The following PIK3CB variants were observed in gnomAD, a reference collection of about 807,000 sequenced individuals.
The protein encoded by PIK3CB is phosphatidylinositol-4,5-bisphosphate 3-kinase catalytic subunit beta.
A neutral mutation model predicts 136.8 loss-of-function variants in PIK3CB; 39 were observed. The ratio of observed to expected loss-of-function variants is 0.29; its 90% CI spans 0.22 to 0.37. The LOEUF is 0.37. Among genes scored for constraint, PIK3CB ranks in the 10% least tolerant of loss-of-function variants. PIK3CB has a pLI of 1.00. For missense variants in PIK3CB, 868 were observed against 1,275.4 expected, an observed-to-expected ratio of 0.68 and a Z score of 4.87; for synonymous variants, 428 against 436.6, an observed-to-expected ratio of 0.98 and a Z score of 0.25.
At chr3:138,767,001 T>C (rs79562535) in intron 2 of PIK3CB, among the ~76,000 whole-genome samples, 2 of 20,410 alleles carry the variant, frequency 9.8e-5, no homozygotes, top group African/African-American at 8.4e-4. Context: ...AGTATTCCCC[T>C]TTTTTTTTTG....
rs35232938 is a variant in PIK3CB, at chr3:138,801,861, CAAAAAA to C, written c.-121-5300_-121-5295del. Among the ~76,000 whole-genome samples the C allele has an allele frequency of 1.9e-3, 110 of 57,394 alleles. 1 individual carries two copies. The highest frequency in any genetic ancestry group is 2.8e-3 in the Non-Finnish European group (93 of 33,352). 37.7% of individuals were successfully genotyped at this position (57,394 alleles called of 152,430 possible). On this transcript the variant is annotated intron_variant, in intron 1 of 23. Transcript: ENST00000674063. The stretch of plus-strand genomic sequence containing the variant: ...CTGGTGACAGAGCAAGACTCCATCT[CAAAAAA>C]AAAAAAAAAAAAAAAGATAAAGAAA...
Position 138,705,169 on chromosome 3 carries a change from A to C in PIK3CB, c.1531-676T>G, listed in dbSNP as rs1474382198. Reference sequence around the variant, plus strand: ...GATTAGAAAGGCAAAAAAAAAAAAAAAAAACAAAAAACAAAACAAACAAAA... The same window carrying C: ...GATTAGAAAGGCAAAAAAAAAAAAACAAAACAAAAAACAAAACAAACAAAA... On this transcript the variant is annotated intron_variant, in intron 11 of 23. Transcript: ENST00000674063. Among the ~76,000 whole-genome samples the C allele has an allele frequency of 1.4e-4, 14 of 99,252 alleles. 1 individual carries two copies. The East Asian group carries it at 2.5e-3, about 18-fold the overall frequency. 65.1% of individuals were successfully genotyped at this position (99,252 alleles called of 152,430 possible).
At chr3:138,698,629 C>T (rs546980731) in intron 13 of PIK3CB, among the ~76,000 whole-genome samples, 29 of 152,070 alleles carry the variant, frequency 1.9e-4, no homozygotes, top group South Asian at 6.2e-4. Context: ...AAGGTACCCA[C>T]GTCTTAGAAA....
In PIK3CB at chr3:138,657,774, C is replaced by A. The variant is rs1310997937; in HGVS notation, c.2858G>T (p.Arg953Met). 6.2e-7 allele frequency: 1 copy of A among 1,612,764 alleles called. No homozygotes were observed. The highest frequency in any genetic ancestry group is 8.5e-7 in the Non-Finnish European group (1 of 1,179,248). Reference sequence around the variant, plus strand: ...GGTAAGAATAAAAGGCACTCGCTCCCTTTTAATGCCAAACTTAGATTTGAA... The same window carrying A: ...GGTAAGAATAAAAGGCACTCGCTCCATTTTAATGCCAAACTTAGATTTGAA... ...GNFKSKFGIK[R>M]ERVPFILTYD... Residue 953 changes from arginine (R) to methionine (M), a missense_variant, in exon 22 of 24, where the codon AGG (arginine) becomes ATG (methionine). This residue lies in a region of PIK3CB where 88 missense variants were observed against 147.8 expected (regional missense o/e 0.60). Transcript: ENST00000674063.
chr3:138,772,270 A>G (rs957749356), intron 2 of PIK3CB, among the ~76,000 whole-genome samples: 1 of 152,148 alleles, frequency 6.6e-6, no homozygotes, highest in African/African-American at 2.4e-5. Context: ...GTGGAAGGAA[A>G]GACACTCATA....
intron 8 of PIK3CB, among the ~76,000 whole-genome samples, chr3:138,721,586 C>T (rs1311786121): frequency 6.6e-6 from 1 of 152,150 alleles, no homozygotes; most frequent in African/African-American, 2.4e-5. Flanking sequence ...CTAATCTTTC[C>T]CAAATCCAGT....
At chr3:138,700,466 G>A (rs1031065256) in intron 12 of PIK3CB, among the ~76,000 whole-genome samples, 7 of 152,088 alleles carry the variant, frequency 4.6e-5, no homozygotes, top group South Asian at 2.1e-4. Flanking sequence ...GCTTAAATGG[G>A]CTCCCATGAG....
intron 1 of PIK3CB, among the ~76,000 whole-genome samples, chr3:138,799,577 A>C (rs2046149164): frequency 6.6e-6 from 1 of 152,156 alleles, no homozygotes; most frequent in Admixed American, 6.6e-5. Flanking sequence ...CCTGCGTTAC[A>C]ACTATGAACT....
intron 8 of PIK3CB, among the ~76,000 whole-genome samples, chr3:138,732,201 T>C (rs2044992365): frequency 6.6e-6 from 1 of 152,138 alleles, no homozygotes. Context: ...GTACCTAAAA[T>C]CTACTTTCCT....
chr3:138,791,361 T>C (rs1202457335), intron 2 of PIK3CB, among the ~76,000 whole-genome samples: 1 of 152,118 alleles, frequency 6.6e-6, no homozygotes, highest in Non-Finnish European at 1.5e-5. Flanking sequence ...CAGACTGGTC[T>C]CTAACTCAAG....
chr3:138,748,901 T>C (rs1423367754), intron 4 of PIK3CB, among the ~76,000 whole-genome samples: 1 of 152,202 alleles, frequency 6.6e-6, no homozygotes, highest in Non-Finnish European at 1.5e-5. Flanking sequence ...AACATATGCA[T>C]GTCAGTAAGG....
At chr3:138,668,618 C>T (rs1240863624) in intron 19 of PIK3CB, among the ~76,000 whole-genome samples, 1 of 152,214 alleles carries the variant, frequency 6.6e-6, no homozygotes, top group African/African-American at 2.4e-5. Flanking sequence ...AATTCTACAA[C>T]ACGGGGATGG....
intron 10 of PIK3CB, among the ~76,000 whole-genome samples, chr3:138,711,242 A>G (rs2044491337): frequency 6.6e-6 from 1 of 151,878 alleles, no homozygotes; most frequent in East Asian, 1.9e-4. Flanking sequence ...AAAACCTACA[A>G]AAAATGCTGA....
At chr3:138,806,257 A>G (rs2046233202) in intron 1 of PIK3CB, among the ~76,000 whole-genome samples, 1 of 152,088 alleles carries the variant, frequency 6.6e-6, no homozygotes. Context: ...AGGCCAAGGG[A>G]GGCAGATCAC....
At position 138,813,359 on chromosome 3, in the gene PIK3CB, G is replaced by C. The variant is rs547481914; in HGVS notation, c.-121-16792C>G. Among the ~76,000 whole-genome samples, 4 of 151,412 alleles carry C rather than the reference G, an allele frequency of 2.6e-5. 1 individual carries two copies. Among genetic ancestry groups the C allele is most frequent in the South Asian group, 4.2e-4 (2 of 4,774 alleles). On this transcript the variant is annotated intron_variant, in intron 1 of 23. Transcript: ENST00000674063. The stretch of plus-strand genomic sequence containing the variant: ...GAGTCAAAGCTTAAAAAGTTAGCTT[G>C]TCCAAGCTAAATGTTTCTAAGGCCA...
At chr3:138,791,054 C>T (rs1004715181) in intron 2 of PIK3CB, among the ~76,000 whole-genome samples, 9 of 152,114 alleles carry the variant, frequency 5.9e-5, no homozygotes, top group Non-Finnish European at 8.8e-5. Context: ...CCTTTTTCAA[C>T]GCTTCCTACC....
At chr3:138,757,968 A>T (rs753066424) in intron 3 of PIK3CB, among the ~76,000 whole-genome samples, 1 of 152,238 alleles carries the variant, frequency 6.6e-6, no homozygotes, top group Non-Finnish European at 1.5e-5. Context: ...ACCAATGCTC[A>T]GAGTAGCATA....
At chr3:138,724,551 T>C (rs546809497) in intron 8 of PIK3CB, among the ~76,000 whole-genome samples, 1 of 152,174 alleles carries the variant, frequency 6.6e-6, no homozygotes, top group Non-Finnish European at 1.5e-5. Flanking sequence ...GGTGTGGAGC[T>C]GAAAGTTCCA....
At chr3:138,668,055 C>A (rs574695282) in intron 19 of PIK3CB, among the ~76,000 whole-genome samples, 3 of 151,830 alleles carry the variant, frequency 2.0e-5, no homozygotes, top group African/African-American at 7.2e-5. Context: ...GCAATAAGAG[C>A]AAAACTCCAT....
Sources: allele counts gnomAD v4.1 joint callset (sites outside exome capture counted in the v4.1 genomes callset), GRCh38; gene constraint gnomAD v4.1.1; regional missense constraint gnomAD v4.1.1; transcripts MANE v1.5; gene names NCBI Gene and HGNC (gene_info 2026-07-23, HGNC 2026-07-21).